The following CNBD1 variants were observed in gnomAD, a reference collection of about 807,000 sequenced individuals.
CNBD1 encodes the protein cyclic nucleotide binding domain containing 1.
Under a neutral mutation model 54.4 loss-of-function variants are expected in CNBD1, and 71 were observed. That is an observed-to-expected ratio of 1.30 (90% CI 1.08 to 1.59). The LOEUF is 1.59. Ranked by LOEUF, CNBD1 falls within the 40% of genes most tolerant of loss-of-function variation. The pLI, the probability that CNBD1 is intolerant of heterozygous loss-of-function variation, is 0.00. For synonymous variants in CNBD1, 182 were observed against 170.7 expected (o/e 1.07, Z -0.51); for missense variants, 659 against 518.0 (o/e 1.27, Z -2.64).
At chr8:87,364,771 A>T (rs1189529180) in intron 10 of CNBD1, among the ~76,000 whole-genome samples, 1 of 151,980 alleles carries the variant, frequency 6.6e-6, no homozygotes, top group African/African-American at 2.4e-5. Flanking sequence ...GCATTAATTT[A>T]TAAGGATAAT....
chr8:87,186,141 T>C (rs895634913), intron 4 of CNBD1, among the ~76,000 whole-genome samples: 3 of 152,116 alleles, frequency 2.0e-5, no homozygotes, highest in African/African-American at 7.2e-5. Context: ...TACGCCAAAA[T>C]GTATTTATTC....
At chr8:87,111,144 G>A (rs974722751) in intron 4 of CNBD1, among the ~76,000 whole-genome samples, 3 of 152,108 alleles carry the variant, frequency 2.0e-5, no homozygotes, top group Admixed American at 6.5e-5. Context: ...TACTAACGTG[G>A]TCTGTTTCAG....
At chr8:87,297,729 C>T (rs891686855) in intron 8 of CNBD1, among the ~76,000 whole-genome samples, 1 of 151,418 alleles carries the variant, frequency 6.6e-6, no homozygotes, top group Non-Finnish European at 1.5e-5. Flanking sequence ...GTGATTATCT[C>T]AAGAAAATGA....
In CNBD1 at chr8:87,130,797, CT is replaced by C. The variant is rs929267396; in HGVS notation, c.432-75195del. Among the ~76,000 whole-genome samples the C allele has an allele frequency of 2.6e-4, 40 of 151,484 alleles. 1 individual carries two copies. The highest frequency in any genetic ancestry group is 2.5e-3 in the Admixed American group (38 of 15,164). On this transcript the variant is annotated intron_variant, in intron 4 of 10. Coordinates refer to ENST00000518476, the MANE Select transcript of CNBD1 (RefSeq NM_173538.3). Reference sequence around the variant, plus strand: ...GTCTCAAAAAAAAAAAAAAAAATTCCTGAGAAAGGATAATTCAACTATCCAA... The same window carrying C: ...GTCTCAAAAAAAAAAAAAAAAATTCCGAGAAAGGATAATTCAACTATCCAA...
chr8:86,930,710 G>A (rs1314898363), intron 3 of CNBD1, among the ~76,000 whole-genome samples: 3 of 152,200 alleles, frequency 2.0e-5, no homozygotes, highest in African/African-American at 7.2e-5. Context: ...CCTCATTGAT[G>A]AGTCTAAGAT....
intron 4 of CNBD1, among the ~76,000 whole-genome samples, chr8:87,106,647 T>C (rs1254126240): frequency 2.0e-5 from 3 of 152,184 alleles, no homozygotes; most frequent in Non-Finnish European, 4.4e-5. Flanking sequence ...TCTCTACCCT[T>C]TTTTGGTTCC....
At chr8:87,134,981 A>T (rs1417751841) in intron 4 of CNBD1, among the ~76,000 whole-genome samples, 1 of 152,148 alleles carries the variant, frequency 6.6e-6, no homozygotes, top group Non-Finnish European at 1.5e-5. Flanking sequence ...TTTGAGGCTT[A>T]TAGTGTTTAT....
At chr8:87,303,798 A>AC (rs1809076197) in intron 8 of CNBD1, among the ~76,000 whole-genome samples, 1 of 148,860 alleles carries the variant, frequency 6.7e-6, no homozygotes, top group East Asian at 1.9e-4. Flanking sequence ...AAGAAAAAAA[A>AC]TAAACAACCC....
chr8:87,187,958 A>G (rs1813514125), intron 4 of CNBD1, among the ~76,000 whole-genome samples: 1 of 152,172 alleles, frequency 6.6e-6, no homozygotes, highest in Non-Finnish European at 1.5e-5. Flanking sequence ...AACAAGGTTT[A>G]TAATGCCTTC....
At chr8:87,195,889 T>G (rs990731717) in intron 4 of CNBD1, among the ~76,000 whole-genome samples, 1 of 152,196 alleles carries the variant, frequency 6.6e-6, no homozygotes, top group Non-Finnish European at 1.5e-5. Context: ...TTGCTTCTTA[T>G]AGCATACTTC....
At chr8:87,161,466 G>A (rs2130759590) in intron 4 of CNBD1, among the ~76,000 whole-genome samples, 1 of 152,190 alleles carries the variant, frequency 6.6e-6, no homozygotes, top group Middle Eastern at 3.4e-3. Flanking sequence ...AAGCAAGGTT[G>A]AAGAATATCA....
chr8:87,230,173 C>A (rs895629871), intron 5 of CNBD1, among the ~76,000 whole-genome samples: 3 of 152,114 alleles, frequency 2.0e-5, no homozygotes, highest in African/African-American at 7.2e-5. Flanking sequence ...CATGAAAAAT[C>A]TATCACTAGA....
At chr8:87,115,551 A>G (rs566968200) in intron 4 of CNBD1, among the ~76,000 whole-genome samples, 41 of 152,330 alleles carry the variant, frequency 2.7e-4, no homozygotes, top group Middle Eastern at 3.4e-3. Context: ...CCTGATAGAC[A>G]TGTGGAAATA....
chr8:87,058,724 G>C (rs752745690), intron 4 of CNBD1, among the ~76,000 whole-genome samples: 10 of 152,170 alleles, frequency 6.6e-5, no homozygotes, highest in Non-Finnish European at 1.2e-4. Context: ...CAGTAGGAAG[G>C]CCCTGGACCC....
intron 4 of CNBD1, among the ~76,000 whole-genome samples, chr8:87,120,117 C>G (rs976049852): frequency 6.6e-6 from 1 of 151,966 alleles, no homozygotes; most frequent in African/African-American, 2.4e-5. Context: ...AAATTACCTC[C>G]TTTTTGATAA....
intron 8 of CNBD1, among the ~76,000 whole-genome samples, chr8:87,351,200 G>T (rs370181396): frequency 6.6e-6 from 1 of 152,180 alleles, no homozygotes; most frequent in Admixed American, 6.6e-5. Flanking sequence ...GGCCAATGTG[G>T]CCTCAAAGCC....
At chr8:87,028,605 A>G (rs1209673925) in intron 4 of CNBD1, among the ~76,000 whole-genome samples, 3 of 152,244 alleles carry the variant, frequency 2.0e-5, no homozygotes, top group Admixed American at 6.5e-5. Flanking sequence ...AGGGGTTTAT[A>G]TAGCAGGTAA....
rs1244092538 is a variant in CNBD1, at chr8:87,382,652, T to G, written c.*25T>G. The G allele has an allele frequency of 6.6e-7, 1 of 1,506,120 alleles. No homozygotes were observed. The highest frequency in any genetic ancestry group is 2.5e-5 in the East Asian group (1 of 40,578). The allele number at this position is 1,506,120 out of a possible 1,614,324, so 93.3% of individuals were successfully genotyped here. A position where few individuals can be genotyped will look rare whatever the true frequency, so the allele number is the denominator to read the frequency against. ...GATCTAGAAACAACCTCAGTGAACA[T>G]TAATTAAGAAAGTATTGACTAAATA... On this transcript the variant is annotated 3_prime_UTR_variant, in exon 11 of 11. Transcript: ENST00000518476.
chr8:87,417,580 G>A (rs761421965), intron 2 of CNBD1, among the ~76,000 whole-genome samples: 3 of 151,900 alleles, frequency 2.0e-5, no homozygotes, highest in Non-Finnish European at 2.9e-5. Context: ...TGACATAATT[G>A]TGTATATAGA....
Sources: allele counts gnomAD v4.1 joint callset (sites outside exome capture counted in the v4.1 genomes callset), GRCh38; gene constraint gnomAD v4.1.1; transcripts MANE v1.5; gene names NCBI Gene and HGNC (gene_info 2026-07-23, HGNC 2026-07-21).